Variants in TMEM40 observed in about 807,000 individuals in gnomAD.
TMEM40 encodes transmembrane protein 40.
TMEM40 carries 34 observed loss-of-function variants against 40.8 expected under a neutral mutation model. That is an observed-to-expected ratio of 0.83 (90% CI 0.63 to 1.11). TMEM40 has a LOEUF of 1.11. Ranked by LOEUF, TMEM40 falls within the 50% of genes least tolerant of loss-of-function variation. The pLI, the probability that TMEM40 is intolerant of heterozygous loss-of-function variation, is 0.00. For missense variants in TMEM40, 296 were observed against 280.2 expected, an observed-to-expected ratio of 1.06 and a Z score of -0.40; for synonymous variants, 106 against 107.0, an observed-to-expected ratio of 0.99 and a Z score of 0.06.
intron 3 of TMEM40, among the ~76,000 whole-genome samples, chr3:12,746,041 G>A (rs2061424839): frequency 6.6e-6 from 1 of 151,896 alleles, no homozygotes; most frequent in African/African-American, 2.4e-5. Context: ...GGGATTACAG[G>A]TGCCCACCAC....
intron 8 of TMEM40, among the ~76,000 whole-genome samples, chr3:12,737,180 T>C (rs1023167256): frequency 6.7e-6 from 1 of 150,362 alleles, no homozygotes; most frequent in East Asian, 1.9e-4. Context: ...ATGCCTGGCC[T>C]CTTTTTTTTT....
intron 1 of TMEM40, among the ~76,000 whole-genome samples, chr3:12,753,211 C>CTTTTTTTTTTTTT (rs56739791): frequency 3.1e-4 from 24 of 76,308 alleles, no homozygotes; most frequent in Non-Finnish European, 4.0e-4. Flanking sequence ...TTCTTTCTTT[C>CTTTTTTTTTTTTT]TTTTTTTTTT....
At chr3:12,769,253 C>T (rs1282484493) in exon 1 of TMEM40, 1 of 418,750 alleles carries the variant, frequency 2.4e-6, no homozygotes, top group Non-Finnish European at 4.9e-6. Context: ...CTCCATACCT[C>T]CCGGAAGGCT....
chr3:12,756,810 TCA>T (rs1300372569), intron 1 of TMEM40, among the ~76,000 whole-genome samples: 1 of 151,252 alleles, frequency 6.6e-6, no homozygotes, highest in Admixed American at 6.6e-5. Context: ...TCTCTCTCTC[TCA>T]CACACACACA....
At chr3:12,743,343 T>C (rs1340591557) in intron 4 of TMEM40, among the ~76,000 whole-genome samples, 7 of 152,168 alleles carry the variant, frequency 4.6e-5, no homozygotes, top group Admixed American at 4.6e-4. Context: ...GGCGCATGCC[T>C]GTAATCCTAG....
At chr3:12,742,642 A>T in intron 4 of TMEM40, 135 bp from the exon 5 acceptor site, 1 of 967,926 alleles carries the variant, frequency 1.0e-6, no homozygotes, top group Non-Finnish European at 1.6e-6. Flanking sequence ...AGTCTTCAGG[A>T]GGCAAGGCAG....
At chr3:12,745,477 C>A in intron 3 of TMEM40, among the ~76,000 whole-genome samples, 1 of 152,136 alleles carries the variant, frequency 6.6e-6, no homozygotes, top group East Asian at 1.9e-4. Context: ...GAGACAGGGT[C>A]TCACTCTGTC....
intron 3 of TMEM40, among the ~76,000 whole-genome samples, chr3:12,747,707 C>T (rs1235357402): frequency 6.6e-6 from 1 of 151,856 alleles, no homozygotes; most frequent in East Asian, 1.9e-4. Flanking sequence ...ATCAGGAGTT[C>T]AAGACCAGCC....
chr3:12,767,005 A>G (rs2106625392), intron 1 of TMEM40, among the ~76,000 whole-genome samples: 1 of 152,182 alleles, frequency 6.6e-6, no homozygotes, highest in South Asian at 2.1e-4. Flanking sequence ...CAAGGGAGAG[A>G]GATGTCTGCG....
intron 1 of TMEM40, among the ~76,000 whole-genome samples, chr3:12,755,229 C>CTTTCTTTCTTTCTTTCTT (rs1373028614): frequency 4.6e-4 from 30 of 65,542 alleles, no homozygotes; most frequent in African/African-American, 1.8e-3. Flanking sequence ...CTCTCTCTCT[C>CTTTCTTTCTTTCTTTCTT]TCTCTCTTTC....
intron 5 of TMEM40, among the ~76,000 whole-genome samples, chr3:12,741,767 CAAAAA>C (rs59665318): frequency 3.2e-5 from 4 of 125,628 alleles, no homozygotes; most frequent in Non-Finnish European, 3.5e-5. Flanking sequence ...GTTTTTGTAA[CAAAAA>C]AAAAAAAAAA....
chr3:12,758,011 T>C (rs1353929981), intron 1 of TMEM40, among the ~76,000 whole-genome samples: 1 of 151,434 alleles, frequency 6.6e-6, no homozygotes, highest in Non-Finnish European at 1.5e-5. Context: ...CCCTGAATTA[T>C]ACACTTTTAA....
chr3:12,748,674 A>T lies in TMEM40; in HGVS notation c.192T>A (p.Ser64=), dbSNP rs779654495. 1 of 1,612,868 alleles carries T rather than the reference A, an allele frequency of 6.2e-7. No individual in the cohort carries two copies. Among genetic ancestry groups the T allele is most frequent in the Non-Finnish European group, 8.5e-7 (1 of 1,179,320 alleles). ...CTATACCTGAGGAGGAGGAGGATGA[A>T]GAAGATGAGGAGGATGAGGAGGAAG... ...SSSSSSSSSS[S]SSSSSSESND... Residue 64 remains serine (S), a synonymous_variant, in exon 3 of 12, where the codon TCT becomes TCA. Coordinates refer to ENST00000314124, the MANE Select transcript of TMEM40 (RefSeq NM_018306.4).
At chr3:12,741,147 G>A (rs147048295) in intron 5 of TMEM40, 1 of 152,446 alleles carries the variant, frequency 6.6e-6, no homozygotes, top group Non-Finnish European at 1.5e-5. Flanking sequence ...CACCATGATT[G>A]TTGAGCCACT....
At chr3:12,741,622 G>T (rs1275824931) in intron 5 of TMEM40, among the ~76,000 whole-genome samples, 2 of 152,146 alleles carry the variant, frequency 1.3e-5, no homozygotes, top group African/African-American at 4.8e-5. Context: ...TTTCTACAGT[G>T]AATATGAATT....
Position 12,738,121 on chromosome 3 carries a change from A to C in TMEM40, c.424+15T>G. 6.2e-7 allele frequency: 1 copy of C among 1,613,510 alleles called. No individual in the cohort carries two copies. Among genetic ancestry groups the C allele is most frequent in the South Asian group, 1.1e-5 (1 of 90,920 alleles). ...ACACCCGCTCTGGCTCTCCTATTTG[A>C]GCTTGTGTATTTACCACTTGCTGGG... On this transcript the variant is annotated intron_variant, in intron 7 of 11. Transcript: ENST00000314124.
chr3:12,755,746 G>T (rs1242249284), intron 1 of TMEM40, among the ~76,000 whole-genome samples: 4 of 152,166 alleles, frequency 2.6e-5, no homozygotes, highest in African/African-American at 9.7e-5. Context: ...GGCTCCCAGA[G>T]GCCAGTGGGG....
chr3:12,769,162 C>A, intron 1 of TMEM40: 1 of 278,336 alleles, frequency 3.6e-6, no homozygotes, highest in Non-Finnish European at 7.9e-6. Context: ...AAGTGCGGGG[C>A]CTACCAAGCC....
chr3:12,757,958 C>T (rs1182791572), intron 1 of TMEM40, among the ~76,000 whole-genome samples: 1 of 152,012 alleles, frequency 6.6e-6, no homozygotes, highest in African/African-American at 2.4e-5. Flanking sequence ...CCGCCTCAGC[C>T]TCCCAAAGTA....
Sources: allele counts gnomAD v4.1 joint callset (sites outside exome capture counted in the v4.1 genomes callset), GRCh38; gene constraint gnomAD v4.1.1; transcripts MANE v1.5; gene names NCBI Gene and HGNC (gene_info 2026-07-23, HGNC 2026-07-21).